Variants in DENND1A observed in about 807,000 individuals in gnomAD.
DENND1A encodes the protein DENN domain-containing protein 1A.
Under a neutral mutation model 113.7 loss-of-function variants are expected in DENND1A, and 51 were observed. The ratio of observed to expected loss-of-function variants is 0.45; its 90% CI spans 0.36 to 0.57. The LOEUF (loss-of-function observed/expected upper bound fraction) is 0.57. Among genes scored for constraint, DENND1A ranks in the 20% least tolerant of loss-of-function variants. The pLI is 0.00. For synonymous variants in DENND1A, 565 were observed against 570.8 expected, an observed-to-expected ratio of 0.99 and a Z score of 0.14; for missense variants, 1,258 against 1,395.9, an observed-to-expected ratio of 0.90 and a Z score of 1.57.
chr9:123,798,714 T>G (rs73580066), intron 2 of DENND1A, among the ~76,000 whole-genome samples: 4,564 of 117,396 alleles, frequency 0.039, 251 homozygotes, highest in African/African-American at 0.15. Flanking sequence ...AAGGGTAGGG[T>G]GTGCTGGAGG....
chr9:123,392,925 A>G (rs2042930964), intron 21 of DENND1A, among the ~76,000 whole-genome samples: 1 of 152,180 alleles, frequency 6.6e-6, no homozygotes, highest in Admixed American at 6.5e-5. Context: ...TTGGTTTTCC[A>G]TTCCTGAGTT....
At chr9:123,788,246 G>A (rs1832489436) in intron 3 of DENND1A, among the ~76,000 whole-genome samples, 1 of 152,038 alleles carries the variant, frequency 6.6e-6, no homozygotes, top group Non-Finnish European at 1.5e-5. Context: ...TATTATACTT[G>A]ACACATTACA....
chr9:123,478,170 C>T (rs373763195), intron 13 of DENND1A, among the ~76,000 whole-genome samples: 6 of 152,226 alleles, frequency 3.9e-5, no homozygotes, highest in East Asian at 3.8e-4. Flanking sequence ...ACAAGTAGGA[C>T]CTGACACGGA....
chr9:123,440,836 T>G (rs568596700), intron 18 of DENND1A, among the ~76,000 whole-genome samples: 2 of 152,262 alleles, frequency 1.3e-5, no homozygotes, highest in Admixed American at 6.5e-5. Flanking sequence ...TCACAGCTCA[T>G]GCATAATTTT....
intron 2 of DENND1A, among the ~76,000 whole-genome samples, chr9:123,862,811 G>A (rs1365082000): frequency 1.3e-5 from 2 of 152,100 alleles, no homozygotes; most frequent in African/African-American, 4.8e-5. Context: ...TTTTAAAGGA[G>A]CTGATTTATA....
At chr9:123,818,433 C>A (rs1292743586) in intron 2 of DENND1A, among the ~76,000 whole-genome samples, 1 of 151,118 alleles carries the variant, frequency 6.6e-6, no homozygotes, top group African/African-American at 2.4e-5. Flanking sequence ...GTTGAGTATC[C>A]CTTATCCGAA....
chr9:123,538,303 T>C (rs138055094), intron 13 of DENND1A, among the ~76,000 whole-genome samples: 43 of 152,346 alleles, frequency 2.8e-4, no homozygotes, highest in African/African-American at 8.9e-4. Context: ...AGTATCAATA[T>C]GAACGACAAG....
At chr9:123,904,010 C>A (rs1469710316) in intron 1 of DENND1A, among the ~76,000 whole-genome samples, 2 of 151,724 alleles carry the variant, frequency 1.3e-5, no homozygotes. Context: ...TTTCCCAGCA[C>A]ACAGCTGGAG....
intron 13 of DENND1A, among the ~76,000 whole-genome samples, chr9:123,497,184 C>T (rs924853666): frequency 3.9e-5 from 6 of 152,192 alleles, no homozygotes; most frequent in African/African-American, 1.4e-4. Context: ...CATCTACAGC[C>T]GACTTCCTTT....
rs1467574522 is a variant in DENND1A at position 123,383,695 on chromosome 9, G to A, written c.1979C>T (p.Pro660Leu). The change falls in exon 23 of 24, where the codon CCC (proline) becomes CTC (leucine). Residue 660 changes from proline to leucine, a missense_variant. By Grantham distance (98) the Pro-to-Leu change is moderately conservative (BLOSUM62 -3). Coordinates refer to ENST00000394215, the MANE Select transcript of DENND1A (RefSeq NM_001352964.2). ...QAKSLEDLRA[P>L]KDLREQPGTF... ...CCCTGGCTGCTCCCTCAGGTCTTTG[G>A]GGGCACGAAGGTCCTCTAAGCTCTT... The A allele has an allele frequency of 3.1e-6, 5 of 1,614,066 alleles. No individual in the cohort carries two copies. The South Asian group carries it at 5.5e-5, about 18-fold the overall frequency.
intron 12 of DENND1A, among the ~76,000 whole-genome samples, chr9:123,561,229 C>T (rs1012516371): frequency 1.3e-5 from 2 of 152,188 alleles, no homozygotes; most frequent in South Asian, 2.1e-4. Context: ...GGATTCACAA[C>T]GCTGCACTTC....
At chr9:123,886,511 C>G (rs557913372) in intron 1 of DENND1A, among the ~76,000 whole-genome samples, 7 of 152,216 alleles carry the variant, frequency 4.6e-5, no homozygotes, top group Admixed American at 4.6e-4. Flanking sequence ...TGAGGTGTAC[C>G]GTTTAAAAAT....
intron 13 of DENND1A, among the ~76,000 whole-genome samples, chr9:123,501,266 C>T (rs533711049): frequency 6.6e-6 from 1 of 152,304 alleles, no homozygotes; most frequent in Non-Finnish European, 1.5e-5. Flanking sequence ...TAGCATGTGT[C>T]AGAATTTCCT....
At chr9:123,597,170 T>C (rs1216186898) in intron 11 of DENND1A, among the ~76,000 whole-genome samples, 3 of 152,224 alleles carry the variant, frequency 2.0e-5, no homozygotes, top group African/African-American at 7.2e-5. Context: ...CATCTCCACC[T>C]GCCTTTTATT....
chr9:123,928,100 C>T (rs751098614), intron 1 of DENND1A, among the ~76,000 whole-genome samples: 3 of 152,218 alleles, frequency 2.0e-5, no homozygotes, highest in Non-Finnish European at 2.9e-5. Context: ...TCATTTCACG[C>T]TTAATACAAT....
chr9:123,497,533 C>T (rs138265516), intron 13 of DENND1A, among the ~76,000 whole-genome samples: 44 of 152,166 alleles, frequency 2.9e-4, no homozygotes, highest in East Asian at 9.6e-4. Context: ...ATATTGACCA[C>T]GCTGGTATCG....
chr9:123,581,335 G>A (rs2058882672), intron 12 of DENND1A, among the ~76,000 whole-genome samples: 1 of 152,172 alleles, frequency 6.6e-6, no homozygotes, highest in Non-Finnish European at 1.5e-5. Flanking sequence ...GTGGAGAGAA[G>A]TTTGAAATCC....
chr9:123,910,386 T>C (rs1444073896), intron 1 of DENND1A, among the ~76,000 whole-genome samples: 1 of 152,160 alleles, frequency 6.6e-6, no homozygotes, highest in Non-Finnish European at 1.5e-5. Context: ...TTGATAAATG[T>C]TAAGTCAAAT....
At chr9:123,485,841 C>T (rs1199433570) in intron 13 of DENND1A, among the ~76,000 whole-genome samples, 1 of 150,600 alleles carries the variant, frequency 6.6e-6, no homozygotes, top group African/African-American at 2.5e-5. Flanking sequence ...TTTTGGCCTC[C>T]ACATGCGGAG....
Sources: allele counts gnomAD v4.1 joint callset (sites outside exome capture counted in the v4.1 genomes callset), GRCh38; gene constraint gnomAD v4.1.1; transcripts MANE v1.5; gene names NCBI Gene and HGNC (gene_info 2026-07-23, HGNC 2026-07-21).